PALD1: variants seen among roughly 807,000 people sequenced by gnomAD.
PALD1 encodes paladin.
In PALD1, 57 loss-of-function variants were observed where a neutral mutation model predicts 96.0. The observed-to-expected ratio is 0.59, with a 90% CI of 0.48 to 0.74. The LOEUF (loss-of-function observed/expected upper bound fraction) is 0.74. Ranked by LOEUF, PALD1 falls within the 30% of genes least tolerant of loss-of-function variation. The probability of loss-of-function intolerance (pLI) is 0.00; values close to 1 mark genes in which losing one functional copy is unlikely to be tolerated. For missense variants in PALD1, 1,063 were observed against 1,143.7 expected, an observed-to-expected ratio of 0.93 and a Z score of 1.02; for synonymous variants, 464 against 473.6, an observed-to-expected ratio of 0.98 and a Z score of 0.26.
At chr10:70,504,518 G>A (rs547885402) in intron 1 of PALD1, among the ~76,000 whole-genome samples, 181 of 152,276 alleles carry the variant, frequency 1.2e-3, no homozygotes, top group Middle Eastern at 6.8e-3. Flanking sequence ...TTAAGACTTC[G>A]TCTCAGAAAA....
intron 1 of PALD1, among the ~76,000 whole-genome samples, chr10:70,480,325 GA>G (rs1230568262): frequency 2.0e-5 from 3 of 152,210 alleles, no homozygotes; most frequent in Non-Finnish European, 2.9e-5. Context: ...AGCCTTGTAG[GA>G]GGTTCAGAGG....
chr10:70,505,308 T>A (rs1226275518), intron 1 of PALD1, among the ~76,000 whole-genome samples: 1 of 152,174 alleles, frequency 6.6e-6, no homozygotes, highest in Non-Finnish European at 1.5e-5. Context: ...TGAAAATATC[T>A]GCCATGGCCA....
At chr10:70,556,895 T>A (rs1292572061) in intron 18 of PALD1, among the ~76,000 whole-genome samples, 1 of 152,216 alleles carries the variant, frequency 6.6e-6, no homozygotes, top group Non-Finnish European at 1.5e-5. Context: ...GGTCCTTGTT[T>A]CTGCTGCAAG....
At chr10:70,481,015 C>A (rs1010644261) in intron 1 of PALD1, among the ~76,000 whole-genome samples, 1 of 152,192 alleles carries the variant, frequency 6.6e-6, no homozygotes, top group Non-Finnish European at 1.5e-5. Context: ...GCTGCAGACA[C>A]GTACATAGAA....
Position 70,541,258 on chromosome 10 carries a change from C to G in PALD1, c.2049+16C>G, listed in dbSNP as rs1847239940. 1.3e-6 allele frequency: 2 copies of G among 1,594,716 alleles called. No individual in the cohort carries two copies. Among genetic ancestry groups the G allele is most frequent in the East Asian group, 4.5e-5 (2 of 44,650 alleles). On this transcript the variant is annotated intron_variant, in intron 16 of 19. Coordinates refer to ENST00000263563, the MANE Select transcript of PALD1 (RefSeq NM_014431.3). The stretch of plus-strand genomic sequence containing the variant: ...GCACATCCAAGTACGTGTGGCCTCT[C>G]AAGTGAGATTAGAGATTTGCCTGGA...
the PALD1 span, among the ~76,000 whole-genome samples, chr10:70,464,029 G>A: frequency 6.6e-6 from 1 of 152,058 alleles, no homozygotes; most frequent in Non-Finnish European, 1.5e-5. Flanking sequence ...GTTTGTCCAC[G>A]TAACCCCTAT....
chr10:70,531,939 C>T (rs1847001129), intron 5 of PALD1, among the ~76,000 whole-genome samples: 1 of 150,746 alleles, frequency 6.6e-6, no homozygotes, highest in Non-Finnish European at 1.5e-5. Context: ...GCCGAGATCA[C>T]ACTACTGCAC....
chr10:70,474,352 G>C (rs1328770546), upstream of PALD1, among the ~76,000 whole-genome samples: 1 of 152,176 alleles, frequency 6.6e-6, no homozygotes, highest in South Asian at 2.1e-4. Flanking sequence ...CCTGAGGTCA[G>C]GAGTTTGAGA....
At chr10:70,506,351 G>T (rs1846392517) in intron 1 of PALD1, among the ~76,000 whole-genome samples, 1 of 152,162 alleles carries the variant, frequency 6.6e-6, no homozygotes, top group East Asian at 1.9e-4. Context: ...TGTCATTCCA[G>T]TGAAAGGCAG....
Position 70,545,038 on chromosome 10 carries a change from GGGCACCGGGCAGGTGCCA to G in PALD1, c.2122-2261_2122-2244del, listed in dbSNP as rs551922078. 9.1e-3 allele frequency among the ~76,000 whole-genome samples: 1,388 copies of G among 152,264 alleles called. 16 individuals are homozygous for G. The highest frequency in any genetic ancestry group is 0.04 in the East Asian group (206 of 5,170). ...TTCATTCACTGGGCAGCTGATGCTG[GGGCACCGGGCAGGTGCCA>G]GGCACCACTCCAGGTGCCGGCAGAA... On this transcript the variant is annotated intron_variant, in intron 17 of 19. Coordinates refer to ENST00000263563, the MANE Select transcript of PALD1 (RefSeq NM_014431.3).
rs1846246057 is a variant in PALD1, at chr10:70,499,043, T to TA, written c.-30+19985dup. On this transcript the variant is annotated intron_variant, in intron 1 of 19. Coordinates refer to ENST00000263563, the MANE Select transcript of PALD1 (RefSeq NM_014431.3). Reference sequence around the variant, plus strand: ...GTTTACCAGGTGCTAGCACTTTCCTTACATTGTCTCATGTAATCCTTACCA... The same window carrying TA: ...GTTTACCAGGTGCTAGCACTTTCCTTAACATTGTCTCATGTAATCCTTACCA... 2.0e-5 allele frequency among the ~76,000 whole-genome samples: 3 copies of TA among 152,214 alleles called. No individual in the cohort carries two copies. In the South Asian group the frequency reaches 6.2e-4, roughly 32 times the overall value.
At chr10:70,460,864 T>C in the PALD1 span, among the ~76,000 whole-genome samples, 1 of 152,076 alleles carries the variant, frequency 6.6e-6, no homozygotes, top group African/African-American at 2.4e-5. Context: ...AAGACCAGCC[T>C]GGCCAACGTG....
intron 1 of PALD1, among the ~76,000 whole-genome samples, chr10:70,510,598 A>T (rs1204762038): frequency 2.6e-5 from 4 of 152,050 alleles, no homozygotes; most frequent in Admixed American, 1.3e-4. Context: ...CCTAATTGTT[A>T]CACTCCCCTC....
At chr10:70,524,289 G>T (rs982526904) in intron 1 of PALD1, among the ~76,000 whole-genome samples, 9 of 152,226 alleles carry the variant, frequency 5.9e-5, no homozygotes, top group African/African-American at 2.2e-4. Context: ...TGTGGGGCCA[G>T]TGGCCACGGA....
At chr10:70,564,224 C>T (rs1426097560) in intron 18 of PALD1, 140 bp from the exon 19 acceptor site, 2 of 872,722 alleles carry the variant, frequency 2.3e-6, no homozygotes, top group East Asian at 2.6e-5. Context: ...ATTGCTTGTC[C>T]TGTAACCCAG....
chr10:70,557,398 T>C (rs1347507234), intron 18 of PALD1, among the ~76,000 whole-genome samples: 2 of 152,162 alleles, frequency 1.3e-5, no homozygotes, highest in South Asian at 4.1e-4. Flanking sequence ...GCATTGAATC[T>C]CTGTGCCTGG....
In PALD1 at chr10:70,564,344, C is replaced by T. The variant is rs1241754087; in HGVS notation, c.2263-20C>T. The T allele has an allele frequency of 6.2e-7, 1 of 1,606,130 alleles. No individual in the cohort carries two copies. The highest frequency in any genetic ancestry group is 2.2e-5 in the East Asian group (1 of 44,838). ...GACACGGATCCCCCCACACTGACCC[C>T]ACCCTGTCCTGTCCTCCAGGCGAAG... On this transcript the variant is annotated intron_variant, in intron 18 of 19. Transcript: ENST00000263563.
At chr10:70,529,827 T>A in intron 3 of PALD1, 62 bp from the exon 4 acceptor site, 3 of 1,475,824 alleles carry the variant, frequency 2.0e-6, no homozygotes, top group Non-Finnish European at 2.8e-6. Flanking sequence ...AGGACAGAGC[T>A]CCATCTGCAG....
In PALD1 at chr10:70,566,589, G is replaced by A. The variant is rs769188138; in HGVS notation, c.2427G>A (p.Ser809=). ...PFSTWMQEVA[S]KAGIYEILNE... ...CTCTGCTCTCCTCCCAGGTGGCATC[G>A]AAGGCTGGCATCTACGAGATCCTTA... Residue 809 remains serine, a synonymous_variant, in exon 20 of 20, where the codon TCG becomes TCA. Coordinates refer to ENST00000263563, the MANE Select transcript of PALD1 (RefSeq NM_014431.3). 1.1e-5 allele frequency: 18 copies of A among 1,609,106 alleles called. No homozygotes were observed. The highest frequency in any genetic ancestry group is 5.3e-5 in the African/African-American group (4 of 74,824).
Sources: allele counts gnomAD v4.1 joint callset (sites outside exome capture counted in the v4.1 genomes callset), GRCh38; gene constraint gnomAD v4.1.1; transcripts MANE v1.5; gene names NCBI Gene and HGNC (gene_info 2026-07-23, HGNC 2026-07-21).